The following SDHAF2 variants were observed in gnomAD, a reference collection of about 807,000 sequenced individuals.
SDHAF2 encodes succinate dehydrogenase complex assembly factor 2.
A neutral mutation model predicts 18.5 loss-of-function variants in SDHAF2; 21 were observed. That is an observed-to-expected ratio of 1.13 (90% CI 0.80 to 1.63). The LOEUF is 1.63. SDHAF2 is among the 40% of genes most tolerant of loss of function. SDHAF2 has a pLI of 0.00. For synonymous variants in SDHAF2, 84 were observed against 70.7 expected, an observed-to-expected ratio of 1.19 and a Z score of -0.94; for missense variants, 195 against 200.3, an observed-to-expected ratio of 0.97 and a Z score of 0.16.
In SDHAF2 at chr11:61,437,989, C is replaced by G. The variant is rs749618577; in HGVS notation, c.261-15C>G. On this transcript the variant is annotated splice_polypyrimidine_tract_variant and intron_variant, in intron 2 of 3. Coordinates refer to ENST00000301761, the MANE Select transcript of SDHAF2 (RefSeq NM_017841.4). ...CTTCTCAACCTCTTTTTCTTTTTTT[C>G]TTTCTTGTTTTTAGTCTTTTTGCTA... The G allele has an allele frequency of 6.2e-7, 1 of 1,611,646 alleles. No homozygotes were observed. The highest frequency in any genetic ancestry group is 1.1e-5 in the South Asian group (1 of 90,928).
chr11:61,434,293 C>T (rs976584485), intron 1 of SDHAF2: 1 of 152,300 alleles, frequency 6.6e-6, no homozygotes, highest in Non-Finnish European at 1.5e-5. Context: ...ATTCTCCTGC[C>T]TCAGACTCCC....
intron 1 of SDHAF2, among the ~76,000 whole-genome samples, chr11:61,436,446 C>T (rs975550673): frequency 6.6e-6 from 1 of 152,202 alleles, no homozygotes; most frequent in Admixed American, 6.5e-5. Flanking sequence ...GCTTGCCAGT[C>T]TAAACTGTCA....
chr11:61,441,874 C>A (rs1317757692), intron 3 of SDHAF2, among the ~76,000 whole-genome samples: 3 of 140,280 alleles, frequency 2.1e-5, no homozygotes, highest in African/African-American at 7.4e-5. Flanking sequence ...ATTCCGCCCC[C>A]CACCACTCCT....
At chr11:61,443,965 G>C (rs1176265219) in intron 3 of SDHAF2, among the ~76,000 whole-genome samples, 1 of 152,142 alleles carries the variant, frequency 6.6e-6, no homozygotes, top group Non-Finnish European at 1.5e-5. Context: ...AGTAGAGACG[G>C]GGTTTCACCG....
At chr11:61,436,818 G>C in intron 1 of SDHAF2, 1 of 1,168,602 alleles carries the variant, frequency 8.6e-7, no homozygotes, top group Non-Finnish European at 1.1e-6. Context: ...GGAGGATCTG[G>C]GGTTTCCTAC....
At chr11:61,443,218 C>T (rs1862091552) in intron 3 of SDHAF2, among the ~76,000 whole-genome samples, 1 of 152,242 alleles carries the variant, frequency 6.6e-6, no homozygotes, top group South Asian at 2.1e-4. Context: ...AACCATTCTG[C>T]ATATCTGCTA....
intron 1 of SDHAF2, among the ~76,000 whole-genome samples, chr11:61,437,139 A>G (rs1862003237): frequency 6.6e-6 from 1 of 152,058 alleles, no homozygotes; most frequent in Admixed American, 6.6e-5. Flanking sequence ...GAGTTATTGA[A>G]CCTTCCTGAG....
chr11:61,436,991 A>C, intron 1 of SDHAF2: 1 of 1,183,344 alleles, frequency 8.5e-7, no homozygotes, highest in Non-Finnish European at 1.1e-6. Context: ...CCACACTGTA[A>C]GAATTTTAAG....
chr11:61,440,302 C>G (rs1862047606), intron 3 of SDHAF2, among the ~76,000 whole-genome samples: 3 of 151,718 alleles, frequency 2.0e-5, no homozygotes, highest in Admixed American at 1.3e-4. Context: ...GAGACTCTTT[C>G]AAAAAAATAA....
chr11:61,443,747 G>A (rs1389628552), intron 3 of SDHAF2, among the ~76,000 whole-genome samples: 1 of 152,026 alleles, frequency 6.6e-6, no homozygotes, highest in Admixed American at 6.6e-5. Context: ...GAGTAGCTGA[G>A]ACTACAATCA....
rs1481033071 is a variant in SDHAF2, at chr11:61,446,286, A to G, written c.*215A>G. ...CTTTTTTGTTCAGCTCTGAGCCTCA[A>G]AAGTGATTTGTCAGCAGCGCTGGCA... On this transcript the variant is annotated 3_prime_UTR_variant, in exon 4 of 4. Coordinates refer to ENST00000301761, the MANE Select transcript of SDHAF2 (RefSeq NM_017841.4). The G allele has an allele frequency of 2.1e-5, 13 of 629,272 alleles. No homozygotes were observed. Among genetic ancestry groups the G allele is most frequent in the East Asian group, 1.6e-4 (6 of 36,562 alleles). 39.0% of individuals were successfully genotyped at this position (629,272 alleles called of 1,614,324 possible). A position where few individuals can be genotyped will look rare whatever the true frequency, so the allele number is the denominator to read the frequency against.
rs768991896 is a variant in SDHAF2, at chr11:61,437,610, G to C, written c.37-15G>C. 6.2e-7 allele frequency: 1 copy of C among 1,600,684 alleles called. No homozygotes were observed. The highest frequency in any genetic ancestry group is 1.1e-5 in the South Asian group (1 of 90,784). ...CGTCATTATTGTAAAGATGTTTGTGGTTTGTTCATTTCAGATGCTTGCTCT... is the reference window on the plus strand; with the variant it reads ...CGTCATTATTGTAAAGATGTTTGTGCTTTGTTCATTTCAGATGCTTGCTCT... On this transcript the variant is annotated splice_polypyrimidine_tract_variant and intron_variant, in intron 1 of 3. Coordinates refer to ENST00000301761, the MANE Select transcript of SDHAF2 (RefSeq NM_017841.4).
intron 3 of SDHAF2, among the ~76,000 whole-genome samples, chr11:61,441,656 T>C (rs886958803): frequency 8.6e-5 from 13 of 152,010 alleles, no homozygotes; most frequent in African/African-American, 3.1e-4. Flanking sequence ...TGCCAGGGTG[T>C]TGGATGTGAA....
At chr11:61,442,285 A>C (rs1326394498) in intron 3 of SDHAF2, among the ~76,000 whole-genome samples, 1 of 152,196 alleles carries the variant, frequency 6.6e-6, no homozygotes, top group Non-Finnish European at 1.5e-5. Context: ...TTCTACCGCC[A>C]GCTCTTAGTG....
intron 1 of SDHAF2, chr11:61,437,104 A>C (rs748764699): frequency 9.2e-7 from 1 of 1,091,706 alleles, no homozygotes; most frequent in South Asian, 1.9e-5. Context: ...TTCTAATTGC[A>C]GTTACTATTT....
intron 1 of SDHAF2, chr11:61,431,013 G>A (rs1181493614): frequency 6.7e-6 from 1 of 149,930 alleles, no homozygotes; most frequent in Non-Finnish European, 1.5e-5. Context: ...CTTTTTGTTT[G>A]TTTTTTGTTG....
chr11:61,440,354 C>A (rs906013456), intron 3 of SDHAF2, among the ~76,000 whole-genome samples: 1 of 151,952 alleles, frequency 6.6e-6, no homozygotes, highest in African/African-American at 2.4e-5. Context: ...AATCCCAGCA[C>A]TTTGGGAGGT....
chr11:61,435,999 G>C (rs1861988097), intron 1 of SDHAF2: 1 of 152,536 alleles, frequency 6.6e-6, no homozygotes, highest in Non-Finnish European at 1.5e-5. Flanking sequence ...GGGCATGCCT[G>C]TAATCCCAGC....
chr11:61,441,915 ACT>A (rs1490855194), intron 3 of SDHAF2, among the ~76,000 whole-genome samples: 2 of 137,136 alleles, frequency 1.5e-5, no homozygotes, highest in East Asian at 2.1e-4. Flanking sequence ...ACAGGATCTC[ACT>A]CTGTCACCCA....
Sources: gnomAD v4.1 joint callset for allele counts (sites outside exome capture counted in the v4.1 genomes callset) on GRCh38, gnomAD v4.1.1 for gene constraint, MANE v1.5 for transcripts, NCBI Gene and HGNC (gene_info 2026-07-23, HGNC 2026-07-21) for gene names.